Variants in FBN2 observed in about 807,000 individuals in gnomAD.
FBN2 encodes the protein fibrillin 2, also known as fibrillin-2.
FBN2 carries 105 observed loss-of-function variants against 355.6 expected under a neutral mutation model. That is an observed-to-expected ratio of 0.30 (90% CI 0.25 to 0.35). FBN2 has a LOEUF of 0.35. FBN2 is among the 10% of genes least tolerant of loss of function. The pLI is 1.00. For synonymous variants in FBN2, 1,350 were observed against 1,301.2 expected (o/e 1.04, Z -0.81); for missense variants, 3,280 against 3,758.7 (o/e 0.87, Z 3.33).
At chr5:128,268,119 A>G (rs911441249) in intron 62 of FBN2, among the ~76,000 whole-genome samples, 20 of 152,158 alleles carry the variant, frequency 1.3e-4, no homozygotes, top group African/African-American at 4.8e-4. Context: ...AATTAACAAA[A>G]TACACCACTA....
chr5:128,355,393 A>G (rs915827071), intron 20 of FBN2, among the ~76,000 whole-genome samples: 4 of 152,212 alleles, frequency 2.6e-5, no homozygotes, highest in South Asian at 2.1e-4. Flanking sequence ...ACCATATTCA[A>G]CCAGAACACC....
At chr5:128,514,972 A>G (rs1756240627) in intron 5 of FBN2, among the ~76,000 whole-genome samples, 1 of 152,174 alleles carries the variant, frequency 6.6e-6, no homozygotes, top group Non-Finnish European at 1.5e-5. Flanking sequence ...CATATTCCCT[A>G]TATTCCTGGT....
intron 5 of FBN2, among the ~76,000 whole-genome samples, chr5:128,505,062 C>T (rs2127144988): frequency 6.6e-6 from 1 of 152,248 alleles, no homozygotes; most frequent in South Asian, 2.1e-4. Context: ...TTTCCTGCCG[C>T]CATTTAAGAT....
chr5:128,289,672 CTTT>C (rs1749265108), intron 51 of FBN2, among the ~76,000 whole-genome samples: 1 of 152,040 alleles, frequency 6.6e-6, no homozygotes. Context: ...GTAAATACTT[CTTT>C]TGTCAGAGAA....
chr5:128,514,431 C>T (rs912968936), intron 5 of FBN2, among the ~76,000 whole-genome samples: 2 of 152,142 alleles, frequency 1.3e-5, no homozygotes, highest in Non-Finnish European at 2.9e-5. Flanking sequence ...ATTGCATCCT[C>T]ATGTGTAAAG....
chr5:128,283,591 C>A (rs115423226), intron 55 of FBN2, among the ~76,000 whole-genome samples: 7 of 152,300 alleles, frequency 4.6e-5, no homozygotes, highest in Non-Finnish European at 1.0e-4. Context: ...TGGGAAGGAG[C>A]CCTGCTCCTC....
intron 11 of FBN2, among the ~76,000 whole-genome samples, chr5:128,384,819 G>A (rs1752324354): frequency 6.6e-6 from 1 of 152,022 alleles, no homozygotes; most frequent in Non-Finnish European, 1.5e-5. Flanking sequence ...CCAAAGCTGG[G>A]AGTATTAATC....
chr5:128,341,059 C>T lies in FBN2; in HGVS notation c.3344-1998G>A, dbSNP rs561382948. ...CAATGAGTGTGGGTACAGGACGGACCGGTAGGATTACTAAAAGCCCCCAGC... is the reference window on the plus strand; with the variant it reads ...CAATGAGTGTGGGTACAGGACGGACTGGTAGGATTACTAAAAGCCCCCAGC... On this transcript the variant is annotated intron_variant, in intron 25 of 64. Transcript: ENST00000262464. 3.9e-4 allele frequency among the ~76,000 whole-genome samples: 60 copies of T among 152,204 alleles called. 1 individual carries two copies. The highest frequency in any genetic ancestry group is 1.4e-3 in the African/African-American group (57 of 41,530).
In FBN2 at chr5:128,446,558, C is replaced by G; in HGVS notation, c.875G>C (p.Cys292Ser). The G allele has an allele frequency of 6.2e-7, 1 of 1,613,788 alleles. No individual in the cohort carries two copies. Among genetic ancestry groups the G allele is most frequent in the Non-Finnish European group, 8.5e-7 (1 of 1,179,698 alleles). ...AIPGICQGGNCINTVGSFECR... is the reference protein window; with the variant it reads ...AIPGICQGGNSINTVGSFECR... ...TTCAAAAGAGCCCACTGTATTGATACAGTTTCCTCCTTGGCATATCCCTGG... is the reference window on the plus strand; with the variant it reads ...TTCAAAAGAGCCCACTGTATTGATAGAGTTTCCTCCTTGGCATATCCCTGG... The change falls in exon 7 of 65, where the codon TGT becomes TCT. Residue 292 changes from cysteine (C) to serine (S), a missense_variant. Cys to Ser is a moderately radical substitution (Grantham distance 112, BLOSUM62 -1). Transcript: ENST00000262464.
At chr5:128,514,583 A>C (rs1756229694) in intron 5 of FBN2, among the ~76,000 whole-genome samples, 1 of 152,178 alleles carries the variant, frequency 6.6e-6, no homozygotes, top group Non-Finnish European at 1.5e-5. Context: ...TAAATATTTA[A>C]ATTTAAAAAT....
At chr5:128,307,036 T>C in intron 42 of FBN2, 99 bp downstream of exon 42, 1 of 807,722 alleles carries the variant, frequency 1.2e-6, no homozygotes, top group Non-Finnish European at 2.2e-6. Flanking sequence ...TCCCAGATTA[T>C]TATATTTTGT....
Position 128,420,034 on chromosome 5 carries a change from G to GAC in FBN2, c.953-11237_953-11236dup, listed in dbSNP as rs147433898. ...TTTATATGGGGTTAATTTGATAATT[G>GAC]ACAATGATGTATAGTCTTTTCTATA... On this transcript the variant is annotated intron_variant, in intron 7 of 64. Transcript: ENST00000262464. Among the ~76,000 whole-genome samples the GAC allele has an allele frequency of 7.6e-3, 1,162 of 152,216 alleles. 14 individuals are homozygous for GAC. The highest frequency in any genetic ancestry group is 0.026 in the African/African-American group (1,091 of 41,538).
intron 25 of FBN2, among the ~76,000 whole-genome samples, chr5:128,340,819 C>G (rs980089232): frequency 3.4e-5 from 5 of 148,420 alleles, no homozygotes; most frequent in African/African-American, 1.2e-4. Flanking sequence ...CTCTCTCTCC[C>G]TCTCTCTCTC....
intron 55 of FBN2, among the ~76,000 whole-genome samples, chr5:128,283,381 GA>G (rs1039669550): frequency 1.3e-5 from 2 of 152,172 alleles, no homozygotes; most frequent in Non-Finnish European, 2.9e-5. Flanking sequence ...GTGCTCCACT[GA>G]AACCTCCTGA....
At chr5:128,337,936 C>G (rs1750889397) in intron 27 of FBN2, 61 bp downstream of exon 27, 1 of 1,592,634 alleles carries the variant, frequency 6.3e-7, no homozygotes, top group Non-Finnish European at 8.6e-7. Context: ...TTTGTCAGAA[C>G]TGATCCCTGG....
At chr5:128,506,755 C>T (rs1363921381) in intron 5 of FBN2, among the ~76,000 whole-genome samples, 1 of 152,064 alleles carries the variant, frequency 6.6e-6, no homozygotes, top group African/African-American at 2.4e-5. Context: ...TGGAAATGCC[C>T]TTCTTTCATG....
At chr5:128,333,681 CGTGT>C (rs200082147) in intron 31 of FBN2, among the ~76,000 whole-genome samples, 201 of 148,962 alleles carry the variant, frequency 1.3e-3, no homozygotes, top group Non-Finnish European at 2.2e-3. Flanking sequence ...TGTGTGTGTG[CGTGT>C]GTGTGTGTGT....
At chr5:128,455,990 C>CAAAACAAA (rs1754376242) in intron 6 of FBN2, among the ~76,000 whole-genome samples, 1 of 25,274 alleles carries the variant, frequency 4.0e-5, no homozygotes, top group African/African-American at 1.1e-4. Context: ...GGGTTAGCAA[C>CAAAACAAA]AAAAAAAAAA....
intron 47 of FBN2, 38 bp from the exon 48 acceptor site, chr5:128,300,974 G>A: frequency 6.3e-7 from 1 of 1,595,278 alleles, no homozygotes; most frequent in Non-Finnish European, 8.6e-7. Context: ...ATTTAAGCAT[G>A]AGATAATTGT....
Sources: gnomAD v4.1 joint callset for allele counts (sites outside exome capture counted in the v4.1 genomes callset) on GRCh38, gnomAD v4.1.1 for gene constraint, MANE v1.5 for transcripts, NCBI Gene and HGNC (gene_info 2026-07-23, HGNC 2026-07-21) for gene names.